Variants in FYB1 observed in about 807,000 individuals in gnomAD.
The protein encoded by FYB1 is FYN-binding protein 1.
FYB1 carries 41 observed loss-of-function variants against 94.1 expected under a neutral mutation model. The observed-to-expected ratio is 0.44, with a 90% CI of 0.34 to 0.57. The LOEUF (loss-of-function observed/expected upper bound fraction) is 0.57, where lower values mean the gene tolerates loss of function less well. FYB1 is among the 20% of genes least tolerant of loss of function. The pLI is 0.02. For missense variants in FYB1, 1,050 were observed against 976.8 expected (o/e 1.07, Z -1.00); for synonymous variants, 367 against 353.2 (o/e 1.04, Z -0.44).
intron 2 of FYB1, among the ~76,000 whole-genome samples, chr5:39,197,072 G>A (rs1294570464): frequency 6.6e-6 from 1 of 152,158 alleles, no homozygotes; most frequent in Non-Finnish European, 1.5e-5. Flanking sequence ...GAAGAAATGA[G>A]GTAGAAGGCT....
intron 1 of FYB1, among the ~76,000 whole-genome samples, chr5:39,243,701 G>C (rs1451945829): frequency 1.3e-5 from 2 of 152,138 alleles, no homozygotes; most frequent in East Asian, 3.8e-4. Context: ...GCTGGATGGG[G>C]ATGGCATTGA....
In FYB1 at chr5:39,124,238, G is replaced by A. The variant is rs749190600; in HGVS notation, c.2071+15C>T. 1.2e-4 allele frequency: 187 copies of A among 1,544,470 alleles called. 1 individual carries two copies. The highest frequency in any genetic ancestry group is 1.5e-4 in the Non-Finnish European group (170 of 1,139,570). On this transcript the variant is annotated intron_variant, in intron 13 of 18. Coordinates refer to ENST00000512982, the MANE Select transcript of FYB1 (RefSeq NM_001465.6). ...AATGAAGATACAGAACATACAATCA[G>A]TTTTTATTACTTACCCAATTGTTTA...
intron 1 of FYB1, among the ~76,000 whole-genome samples, chr5:39,227,835 G>T (rs967359745): frequency 6.6e-5 from 10 of 152,108 alleles, no homozygotes; most frequent in Non-Finnish European, 1.5e-4. Flanking sequence ...AGGCCTCATT[G>T]AGTCATGAGC....
intron 1 of FYB1, among the ~76,000 whole-genome samples, chr5:39,236,185 C>T (rs1344278461): frequency 6.6e-6 from 1 of 151,656 alleles, no homozygotes; most frequent in African/African-American, 2.4e-5. Flanking sequence ...AGAAGATTAA[C>T]ACACCATTTC....
At chr5:39,219,356 G>T in intron 1 of FYB1, 87 bp downstream of exon 1, 1 of 818,046 alleles carries the variant, frequency 1.2e-6, no homozygotes. Context: ...CACAGTCTGT[G>T]CTGCCAGAAT....
chr5:39,164,355 TAAAAC>T (rs1484609402), intron 2 of FYB1, among the ~76,000 whole-genome samples: 3 of 152,356 alleles, frequency 2.0e-5, no homozygotes, highest in East Asian at 3.9e-4. Context: ...TGGCAACTAT[TAAAAC>T]AAAAGAAATC....
At chr5:39,172,666 T>A (rs1487125609) in intron 2 of FYB1, among the ~76,000 whole-genome samples, 1 of 152,164 alleles carries the variant, frequency 6.6e-6, no homozygotes, top group East Asian at 1.9e-4. Flanking sequence ...GTATTCAGTG[T>A]TTAGCTCTTA....
At chr5:39,223,697 A>G (rs1216345005), upstream of FYB1, among the ~76,000 whole-genome samples, 1 of 152,218 alleles carries the variant, frequency 6.6e-6, no homozygotes, top group Non-Finnish European at 1.5e-5. Context: ...TTGTGGACGT[A>G]AAAACTAGGT....
upstream of FYB1, among the ~76,000 whole-genome samples, chr5:39,223,812 A>C (rs1750365681): frequency 6.6e-6 from 1 of 152,186 alleles, no homozygotes. Flanking sequence ...GGAGAAGGTC[A>C]GCTTATTCTC....
intron 2 of FYB1, among the ~76,000 whole-genome samples, chr5:39,190,902 C>G (rs2014319): frequency 0.041 from 6,181 of 152,012 alleles, 439 homozygotes; most frequent in African/African-American, 0.14. Flanking sequence ...GGAGAAGCTG[C>G]AATCTAGATC....
At position 39,153,623 on chromosome 5, in the gene FYB1, A is replaced by G. The variant is rs1312923556; in HGVS notation, c.1136-19T>C. On this transcript the variant is annotated intron_variant, in intron 2 of 18. Transcript: ENST00000512982. The stretch of plus-strand genomic sequence containing the variant: ...CTAGTACCTAAGAAGCAAAGCAAAC[A>G]ATACCATGAATTAAGACAAATCTTC... 1 of 1,583,784 alleles carries G rather than the reference A, an allele frequency of 6.3e-7. No individual in the cohort carries two copies. The highest frequency in any genetic ancestry group is 1.4e-5 in the African/African-American group (1 of 73,308).
intron 1 of FYB1, among the ~76,000 whole-genome samples, chr5:39,238,604 A>T (rs977020261): frequency 6.6e-5 from 10 of 152,108 alleles, no homozygotes; most frequent in Non-Finnish European, 1.5e-4. Context: ...GGGAACTATT[A>T]CTGTGGGTGC....
At chr5:39,209,217 A>G (rs1174216618) in intron 1 of FYB1, among the ~76,000 whole-genome samples, 1 of 152,230 alleles carries the variant, frequency 6.6e-6, no homozygotes, top group Non-Finnish European at 1.5e-5. Context: ...TTGCTGGCTG[A>G]AAATACAGTA....
intron 2 of FYB1, among the ~76,000 whole-genome samples, chr5:39,196,246 T>C (rs1747829272): frequency 6.7e-6 from 1 of 149,672 alleles, no homozygotes; most frequent in Admixed American, 6.7e-5. Flanking sequence ...GTTCGCTTTG[T>C]CACCCAGGCT....
intron 8 of FYB1, among the ~76,000 whole-genome samples, chr5:39,134,607 A>G (rs558942370): frequency 1.3e-5 from 2 of 152,254 alleles, no homozygotes; most frequent in East Asian, 1.9e-4. Flanking sequence ...TTTCTTTTTA[A>G]CATCAATGAA....
intron 16 of FYB1, among the ~76,000 whole-genome samples, chr5:39,117,996 C>T (rs1739729771): frequency 1.3e-5 from 2 of 152,070 alleles, no homozygotes; most frequent in Non-Finnish European, 2.9e-5. Flanking sequence ...CTCCTCAGCT[C>T]AAGTGATATT....
intron 2 of FYB1, among the ~76,000 whole-genome samples, chr5:39,165,362 CAA>C (rs1257991328): frequency 1.3e-5 from 2 of 152,116 alleles, no homozygotes; most frequent in East Asian, 3.9e-4. Context: ...TGATCTTTGA[CAA>C]AGTCGACAAA....
At chr5:39,133,361 C>T in intron 9 of FYB1, among the ~76,000 whole-genome samples, 1 of 152,064 alleles carries the variant, frequency 6.6e-6, no homozygotes. Context: ...CAGAGATTTT[C>T]CTCCTTTCAA....
At chr5:39,220,913 G>C (rs1332779102), upstream of FYB1, among the ~76,000 whole-genome samples, 1 of 152,116 alleles carries the variant, frequency 6.6e-6, no homozygotes. Context: ...AGACAATGAT[G>C]GTAACAATGA....
Sources: allele counts gnomAD v4.1 joint callset (sites outside exome capture counted in the v4.1 genomes callset), GRCh38; gene constraint gnomAD v4.1.1; transcripts MANE v1.5; gene names NCBI Gene and HGNC (gene_info 2026-07-23, HGNC 2026-07-21).